Variants in DACH2 observed in about 807,000 individuals in gnomAD.
DACH2 encodes the protein dachshund family transcription factor 2.
DACH2 carries 17 observed loss-of-function variants against 35.8 expected under a neutral mutation model. That is an observed-to-expected ratio of 0.48 (90% CI 0.33 to 0.71). DACH2 has a LOEUF of 0.71. Among genes scored for constraint, DACH2 ranks in the 30% least tolerant of loss-of-function variants. The pLI is 0.02. For missense variants in DACH2, 469 were observed against 472.7 expected (o/e 0.99, Z 0.07); for synonymous variants, 195 against 177.3 (o/e 1.10, Z -0.79).
At chrX:86,279,520 A>G (rs6623610) in intron 1 of DACH2, among the ~76,000 whole-genome samples, 47,740 of 110,462 alleles carry the variant, frequency 0.43, 7,916 homozygotes, top group East Asian at 0.54. Context: ...CAGAAACCCC[A>G]ACATCAAAGA....
At chrX:86,632,183 G>A (rs2040208864) in intron 3 of DACH2, among the ~76,000 whole-genome samples, 1 of 110,827 alleles carries the variant, frequency 9.0e-6, no homozygotes, top group Non-Finnish European at 1.9e-5. Context: ...TCAAGATTAT[G>A]AATTTTGGTA....
chrX:86,408,460 T>C (rs2036559724), intron 2 of DACH2, among the ~76,000 whole-genome samples: 1 of 111,849 alleles, frequency 8.9e-6, no homozygotes, highest in South Asian at 3.7e-4. Flanking sequence ...TAAAAATAAA[T>C]TCTAATATAG....
intron 2 of DACH2, among the ~76,000 whole-genome samples, chrX:86,430,299 G>A (rs1569396314): frequency 8.9e-6 from 1 of 112,106 alleles, no homozygotes; most frequent in East Asian, 2.8e-4. Context: ...GATGTGCTGT[G>A]AGTGTAAAAT....
chrX:86,439,112 T>C (rs1475660044), intron 2 of DACH2, among the ~76,000 whole-genome samples: 1 of 112,427 alleles, frequency 8.9e-6, no homozygotes, highest in Admixed American at 9.4e-5. Context: ...TGATATCTCA[T>C]TGTGGTTTTG....
intron 1 of DACH2, among the ~76,000 whole-genome samples, chrX:86,266,815 C>A (rs746714648): frequency 1.5e-4 from 16 of 109,310 alleles, no homozygotes; most frequent in Non-Finnish European, 2.6e-4. Flanking sequence ...TGCTCCATAG[C>A]AGTGCCATGT....
At chrX:86,511,768 A>T (rs2038400512) in intron 2 of DACH2, among the ~76,000 whole-genome samples, 1 of 111,649 alleles carries the variant, frequency 9.0e-6, no homozygotes, top group Non-Finnish European at 1.9e-5. Flanking sequence ...TTATTCCTTA[A>T]GCAGATCTTG....
At chrX:86,439,702 G>T (rs1206039240) in intron 2 of DACH2, among the ~76,000 whole-genome samples, 1 of 110,733 alleles carries the variant, frequency 9.0e-6, no homozygotes, top group Non-Finnish European at 1.9e-5. Context: ...AGTTTCTTAA[G>T]GTAGAAGATT....
chrX:86,355,793 A>T (rs2035632614), intron 1 of DACH2, among the ~76,000 whole-genome samples: 1 of 111,021 alleles, frequency 9.0e-6, no homozygotes, highest in Non-Finnish European at 1.9e-5. Flanking sequence ...GATGTTAAGT[A>T]TTTTTTCATA....
chrX:86,496,491 A>G (rs1237240773), intron 2 of DACH2, among the ~76,000 whole-genome samples: 1 of 110,427 alleles, frequency 9.1e-6, no homozygotes, highest in Non-Finnish European at 1.9e-5. Flanking sequence ...GGGTCCTCAA[A>G]TTTGATATGT....
chrX:86,149,245 T>A, intron 1 of DACH2, 137 bp downstream of exon 1: 1 of 788,300 alleles, frequency 1.3e-6, no homozygotes. Context: ...TGTAAATCGG[T>A]GGGGAAAGAG....
intron 7 of DACH2, among the ~76,000 whole-genome samples, chrX:86,793,426 T>A (rs1235868156): frequency 2.7e-5 from 3 of 111,444 alleles, no homozygotes; most frequent in Non-Finnish European, 5.7e-5. Context: ...TATAAGAGAA[T>A]ACACTCTTTG....
At chrX:86,733,481 A>G (rs911691169) in intron 6 of DACH2, among the ~76,000 whole-genome samples, 1 of 111,856 alleles carries the variant, frequency 8.9e-6, no homozygotes, top group African/African-American at 3.2e-5. Flanking sequence ...TGGAAATTGC[A>G]TTATGATCAT....
chrX:86,457,028 TTATCTC>T (rs1039070627), intron 2 of DACH2, among the ~76,000 whole-genome samples: 10 of 111,545 alleles, frequency 9.0e-5, no homozygotes, highest in Admixed American at 1.9e-4. Context: ...AATTTTTTCT[TTATCTC>T]TAATATTCTA....
At chrX:86,831,376 A>ATTTCT (rs1209887376) in intron 11 of DACH2, 3 of 111,591 alleles carry the variant, frequency 2.7e-5, no homozygotes, top group Non-Finnish European at 5.7e-5. Context: ...ATTCATCCAC[A>ATTTCT]TTTCTTTTCC....
At chrX:86,296,075 G>A (rs1384667801) in intron 1 of DACH2, among the ~76,000 whole-genome samples, 2 of 110,948 alleles carry the variant, frequency 1.8e-5, no homozygotes, top group African/African-American at 3.3e-5. Flanking sequence ...AATTATTTGT[G>A]AAAATTATAT....
At chrX:86,337,415 C>T (rs981565905) in intron 1 of DACH2, among the ~76,000 whole-genome samples, 4 of 111,814 alleles carry the variant, frequency 3.6e-5, no homozygotes, top group Non-Finnish European at 7.5e-5. Flanking sequence ...AGAGTGGGGG[C>T]CAATATTCAA....
intron 1 of DACH2, among the ~76,000 whole-genome samples, chrX:86,331,599 G>A (rs1213652513): frequency 9.0e-6 from 1 of 111,290 alleles, no homozygotes; most frequent in African/African-American, 3.3e-5. Context: ...TTTACAAAAG[G>A]GGAAAATGGC....
At chrX:86,447,220 G>A (rs1203340141) in intron 2 of DACH2, among the ~76,000 whole-genome samples, 4 of 90,450 alleles carry the variant, frequency 4.4e-5, no homozygotes, top group Admixed American at 1.3e-4. Flanking sequence ...AGTAGGTTGC[G>A]AAAATTTTCT....
chrX:86,425,071 T>C (rs2036869440), intron 2 of DACH2, among the ~76,000 whole-genome samples: 1 of 110,978 alleles, frequency 9.0e-6, no homozygotes, highest in Non-Finnish European at 1.9e-5. Flanking sequence ...CTTAATTTGA[T>C]TTGCTAGCAT....
Sources: gnomAD v4.1 joint callset for allele counts (sites outside exome capture counted in the v4.1 genomes callset) on GRCh38, gnomAD v4.1.1 for gene constraint, MANE v1.5 for transcripts, NCBI Gene and HGNC (gene_info 2026-07-23, HGNC 2026-07-21) for gene names.